The following OGA variants were observed in gnomAD, a reference collection of about 807,000 sequenced individuals.
The protein encoded by OGA is O-GlcNAcase.
Under a neutral mutation model 102.0 loss-of-function variants are expected in OGA, and 21 were observed. That is an observed-to-expected ratio of 0.21 (90% CI 0.15 to 0.30). The LOEUF (loss-of-function observed/expected upper bound fraction) is 0.30. OGA is among the 10% of genes least tolerant of loss of function. The pLI is 1.00. For synonymous variants in OGA, 408 were observed against 378.2 expected (o/e 1.08, Z -0.91); for missense variants, 765 against 1,107.8 (o/e 0.69, Z 4.39).
rs1452097367 is a variant in OGA, at chr10:101,784,759, G to GTTAAGACGAGAAAAC, written c.*1691_*1692insGTTTTCTCGTCTTAA. The GTTAAGACGAGAAAAC allele has an allele frequency of 6.6e-6, 1 of 152,174 alleles. No homozygotes were observed. The highest frequency in any genetic ancestry group is 1.5e-5 in the Non-Finnish European group (1 of 68,022). 9.4% of individuals were successfully genotyped at this position (152,174 alleles called of 1,614,324 possible). A position where few individuals can be genotyped will look rare whatever the true frequency, so the allele number is the denominator to read the frequency against. On this transcript the variant is annotated 3_prime_UTR_variant, in exon 16 of 16. Coordinates refer to ENST00000361464, the MANE Select transcript of OGA (RefSeq NM_012215.5). ...ATCCTCCAAACAAAATGCTAGAATT[G>GTTAAGACGAGAAAAC]TCCACTAGTGTTAAGACGAGAAAAC... is the stretch of plus-strand genomic sequence containing the variant.
chr10:101,799,907 C>T (rs556592273), intron 8 of OGA, among the ~76,000 whole-genome samples: 1 of 152,260 alleles, frequency 6.6e-6, no homozygotes, highest in South Asian at 2.1e-4. Context: ...GAGTCTCGCT[C>T]TGTCACCCAG....
At chr10:101,791,827 CATCTA>C (rs1269275382) in intron 12 of OGA, among the ~76,000 whole-genome samples, 1 of 151,502 alleles carries the variant, frequency 6.6e-6, no homozygotes, top group Non-Finnish European at 1.5e-5. Flanking sequence ...CCACCATACT[CATCTA>C]ATTTTTTTTT....
intron 6 of OGA, among the ~76,000 whole-genome samples, chr10:101,804,305 C>T (rs1246596195): frequency 4.2e-5 from 6 of 142,350 alleles, no homozygotes; most frequent in Non-Finnish European, 9.0e-5. Flanking sequence ...CAGAGTCTCG[C>T]TGTGTCGCCC....
chr10:101,800,178 T>C, intron 8 of OGA, 64 bp downstream of exon 8: 2 of 1,525,960 alleles, frequency 1.3e-6, no homozygotes, highest in Admixed American at 1.8e-5. Flanking sequence ...CGGGAGACAG[T>C]GTTCTTTACT....
intron 4 of OGA, among the ~76,000 whole-genome samples, chr10:101,809,727 A>G (rs946140125): frequency 6.6e-6 from 1 of 151,272 alleles, no homozygotes; most frequent in African/African-American, 2.4e-5. Flanking sequence ...AAAAGAAAAA[A>G]AAAGCATTCA....
At chr10:101,815,083 A>C (rs979460193) in intron 1 of OGA, among the ~76,000 whole-genome samples, 15 of 152,164 alleles carry the variant, frequency 9.9e-5, no homozygotes, top group Non-Finnish European at 2.1e-4. Flanking sequence ...ACATAAACCC[A>C]CACAATCTAC....
intron 14 of OGA, 46 bp downstream of exon 14, chr10:101,790,850 A>C: frequency 1.5e-6 from 2 of 1,323,236 alleles, no homozygotes; most frequent in Non-Finnish European, 2.0e-6. Flanking sequence ...AAATAAATAA[A>C]TAAAAAAGAC....
chr10:101,800,640 T>C (rs1482882469), intron 7 of OGA, among the ~76,000 whole-genome samples: 1 of 152,154 alleles, frequency 6.6e-6, no homozygotes, highest in African/African-American at 2.4e-5. Flanking sequence ...ATAAGAAATA[T>C]AAATTTTAGT....
At chr10:101,788,672 T>C (rs546685485) in intron 14 of OGA, among the ~76,000 whole-genome samples, 1 of 151,098 alleles carries the variant, frequency 6.6e-6, no homozygotes, top group African/African-American at 2.4e-5. Context: ...GAGGCGGAGG[T>C]TGCAGTGAGC....
chr10:101,801,449 G>T (rs576650470), intron 7 of OGA, among the ~76,000 whole-genome samples: 1 of 151,270 alleles, frequency 6.6e-6, no homozygotes, highest in Admixed American at 6.6e-5. Flanking sequence ...GCACACATAA[G>T]GCAACAAAGC....
At chr10:101,790,003 A>T (rs2065238087) in intron 14 of OGA, among the ~76,000 whole-genome samples, 1 of 152,170 alleles carries the variant, frequency 6.6e-6, no homozygotes, top group African/African-American at 2.4e-5. Flanking sequence ...ACTGATGTAT[A>T]AACCAAAATA....
At chr10:101,805,726 C>T (rs576183163) in intron 6 of OGA, among the ~76,000 whole-genome samples, 154 of 149,792 alleles carry the variant, frequency 1.0e-3, no homozygotes, top group Admixed American at 2.1e-3. Context: ...GAGGCCAAGG[C>T]GGGTGGATCA....
At chr10:101,798,727 C>T (rs975972066) in intron 9 of OGA, 115 bp downstream of exon 9, 8 of 1,335,986 alleles carry the variant, frequency 6.0e-6, no homozygotes, top group Admixed American at 4.8e-5. Context: ...AGAACATATT[C>T]TAAAACATGG....
At chr10:101,813,671 G>A (rs2135096842) in intron 1 of OGA, 65 bp from the exon 2 acceptor site, 1 of 1,005,098 alleles carries the variant, frequency 9.9e-7, no homozygotes, top group South Asian at 1.5e-5. Context: ...ATTGAGAAAA[G>A]CAAGTTACAA....
chr10:101,818,144 C>G lies in OGA; in HGVS notation c.-122G>C, dbSNP rs2065667580. On this transcript the variant is annotated 5_prime_UTR_variant, in exon 1 of 16. Coordinates refer to ENST00000361464, the MANE Select transcript of OGA (RefSeq NM_012215.5). Reference sequence around the variant, plus strand: ...GTGTGCGCCCCTCCGGCTCCTTCCCCTCCCCCTCTGCCCTTCCCCCTCCCT... The same window carrying G: ...GTGTGCGCCCCTCCGGCTCCTTCCCGTCCCCCTCTGCCCTTCCCCCTCCCT... 2 of 1,389,838 alleles carry G rather than the reference C, an allele frequency of 1.4e-6. No individual in the cohort carries two copies. Among genetic ancestry groups the G allele is most frequent in the African/African-American group, 3.0e-5 (2 of 66,114 alleles). The allele number at this position is 1,389,838 out of a possible 1,614,324, so 86.1% of individuals were successfully genotyped here. A position where few individuals can be genotyped will look rare whatever the true frequency, so the allele number is the denominator to read the frequency against.
At chr10:101,803,093 A>G (rs1332019942) in intron 7 of OGA, among the ~76,000 whole-genome samples, 1 of 149,466 alleles carries the variant, frequency 6.7e-6, no homozygotes, top group Non-Finnish European at 1.5e-5. Flanking sequence ...GCGAGCTGAG[A>G]TTGCGCCACT....
intron 8 of OGA, among the ~76,000 whole-genome samples, 192 bp from the exon 9 acceptor site, chr10:101,799,647 G>A (rs186223090): frequency 3.2e-4 from 49 of 152,264 alleles, no homozygotes; most frequent in South Asian, 1.2e-3. Flanking sequence ...ATGGAAGGGC[G>A]TTGGGAGGTA....
At position 101,804,106 on chromosome 10, in the gene OGA, AGGCAGAGGTG is replaced by A. The variant is rs2065434652; in HGVS notation, c.752-97_752-88del. ...ATAACTGTAATCCCAGCACTCTGGG[AGGCAGAGGTG>A]GGCAGATCATTTGAGCCCAGGAGTT... is the stretch of plus-strand genomic sequence containing the variant. On this transcript the variant is annotated intron_variant, in intron 6 of 15. Transcript: ENST00000361464. The A allele has an allele frequency of 2.4e-6, 3 of 1,264,950 alleles. No individual in the cohort carries two copies. The South Asian group carries it at 4.3e-5, about 18-fold the overall frequency. The allele number at this position is 1,264,950 out of a possible 1,614,324, so 78.4% of individuals were successfully genotyped here.
rs939946847 is a variant in OGA at position 101,800,101 on chromosome 10, G to A, written c.1195+141C>T. 4.8e-6 allele frequency: 4 copies of A among 836,486 alleles called. No individual in the cohort carries two copies. In the African/African-American group the frequency reaches 5.2e-5, roughly 11 times the overall value. 51.8% of individuals were successfully genotyped at this position (836,486 alleles called of 1,614,324 possible). A position where few individuals can be genotyped will look rare whatever the true frequency, so the allele number is the denominator to read the frequency against. ...TTGGCCAGGCTGGTCTCGAACTCCT[G>A]ACCTCAGGTGATCCGCCTGCCTCGG... is the stretch of plus-strand genomic sequence containing the variant. On this transcript the variant is annotated intron_variant, in intron 8 of 15. Coordinates refer to ENST00000361464, the MANE Select transcript of OGA (RefSeq NM_012215.5).
Sources: allele counts gnomAD v4.1 joint callset (sites outside exome capture counted in the v4.1 genomes callset), GRCh38; gene constraint gnomAD v4.1.1; transcripts MANE v1.5; gene names NCBI Gene and HGNC (gene_info 2026-07-23, HGNC 2026-07-21).